The following FAM237A variants were observed in gnomAD, a reference collection of about 807,000 sequenced individuals.
FAM237A encodes protein FAM237A.
In FAM237A, 14 loss-of-function variants were observed where a neutral mutation model predicts 12.5. The observed-to-expected ratio is 1.12, with a 90% confidence interval of 0.74 to 1.75. The LOEUF is 1.75. Ranked by LOEUF, FAM237A falls within the 40% of genes most tolerant of loss-of-function variation. The pLI is 0.00. For synonymous variants in FAM237A, 85 were observed against 77.5 expected (o/e 1.10, Z -0.51); for missense variants, 240 against 211.7 (o/e 1.13, Z -0.83).
chr2:206,648,519 T>C (rs950084157), intron 2 of FAM237A, 142 bp from the exon 3 acceptor site: 7 of 789,744 alleles, frequency 8.9e-6, no homozygotes, highest in African/African-American at 7.1e-5. Context: ...CTTACATATA[T>C]TCCTCTGAAA....
At chr2:206,647,652 C>CACACAA (rs2105882874) in intron 2 of FAM237A, among the ~76,000 whole-genome samples, 1 of 151,324 alleles carries the variant, frequency 6.6e-6, no homozygotes, top group South Asian at 2.1e-4. Flanking sequence ...CACACACACA[C>CACACAA]ACACACACAC....
rs1305772436 is a variant in FAM237A at position 206,644,469 on chromosome 2, A to G, written c.233A>G (p.Tyr78Cys). 1 of 1,613,996 alleles carries G rather than the reference A, an allele frequency of 6.2e-7. No individual in the cohort carries two copies. The highest frequency in any genetic ancestry group is 1.1e-5 in the South Asian group (1 of 91,074). The change falls in exon 2 of 3, where the codon TAC becomes TGC. Residue 78 changes from tyrosine to cysteine, a missense_variant. Transcript: ENST00000441223. ...TVSGFWDFMI[Y>C]LKSSENLKHG... is the part of the protein sequence containing the mutation. ...TCAGGCTTCTGGGATTTTATGATCT[A>G]CCTGAAGTCATCTGAGAACTTGAAG... is the stretch of plus-strand genomic sequence containing the variant.
At chr2:206,646,157 G>T (rs1699314555) in intron 2 of FAM237A, among the ~76,000 whole-genome samples, 1 of 152,176 alleles carries the variant, frequency 6.6e-6, no homozygotes, top group East Asian at 1.9e-4. Flanking sequence ...AAAAAAATTA[G>T]CCGGATGTGG....
At chr2:206,643,626 C>T (rs2105881343) in intron 1 of FAM237A, among the ~76,000 whole-genome samples, 1 of 152,142 alleles carries the variant, frequency 6.6e-6, no homozygotes, top group South Asian at 2.1e-4. Context: ...TTGTAAAATG[C>T]TTATTGATTC....
chr2:206,648,034 A>T (rs1699339089), intron 2 of FAM237A, among the ~76,000 whole-genome samples: 1 of 152,204 alleles, frequency 6.6e-6, no homozygotes, highest in Non-Finnish European at 1.5e-5. Flanking sequence ...CACAAGAGAA[A>T]ACAATGGTTC....
At position 206,644,586 on chromosome 2, in the gene FAM237A, A is replaced by G; in HGVS notation, c.350A>G (p.Gln117Arg). 1 of 1,611,088 alleles carries G rather than the reference A, an allele frequency of 6.2e-7. No individual in the cohort carries two copies. Among genetic ancestry groups the G allele is most frequent in the Non-Finnish European group, 8.5e-7 (1 of 1,178,876 alleles). ...AGGAACCATGGCTTAGGAAGGAGGC[A>G]ATTGGTTGGAGAGGAAGAGAAAATC... ...LSRNHGLGRR[Q>R]LVGEEEKISA... The change falls in exon 2 of 3, where the codon CAA becomes CGA. Residue 117 changes from glutamine (Q) to arginine (R), a missense_variant. Physicochemically the swap from Gln to Arg is conservative, Grantham distance 43. Transcript: ENST00000441223.
In FAM237A at chr2:206,644,538, T is replaced by G. The variant is rs1699293455; in HGVS notation, c.302T>G (p.Ile101Ser). ...FWDLAQLFWD[I>S]YVDCVLSRNH... The stretch of plus-strand genomic sequence containing the variant: ...GATCTGGCCCAACTCTTCTGGGACA[T>G]CTATGTGGACTGTGTGCTCTCTAGG... Residue 101 changes from isoleucine (I) to serine (S), a missense_variant, in exon 2 of 3, where the codon ATC (isoleucine) becomes AGC (serine). Coordinates refer to ENST00000441223, the MANE Select transcript of FAM237A (RefSeq NM_001102659.3). 17 of 1,614,052 alleles carry G rather than the reference T, an allele frequency of 1.1e-5. No homozygotes were observed. The highest frequency in any genetic ancestry group is 1.4e-5 in the Non-Finnish European group (17 of 1,179,894).
At position 206,642,714 on chromosome 2, in the gene FAM237A, A is replaced by C. The variant is rs1311424657; in HGVS notation, c.-11+132A>C. The C allele has an allele frequency of 6.6e-6, 1 of 152,326 alleles. No individual in the cohort carries two copies. Among genetic ancestry groups the C allele is most frequent in the Non-Finnish European group, 1.5e-5 (1 of 68,114 alleles). The allele number at this position is 152,326 out of a possible 1,614,324, so 9.4% of individuals were successfully genotyped here. Reference sequence around the variant, plus strand: ...GGGGTGCACGGAGGACTCTAGGTTCAAGGAACTCAGAGAAACACCTTTCCA... The same window carrying C: ...GGGGTGCACGGAGGACTCTAGGTTCCAGGAACTCAGAGAAACACCTTTCCA... On this transcript the variant is annotated intron_variant, in intron 1 of 2. Transcript: ENST00000441223. The surrounding 1 kb of genome is among the most constrained non-coding windows in gnomAD (Gnocchi z 5.1).
Sources: allele counts gnomAD v4.1 joint callset (sites outside exome capture counted in the v4.1 genomes callset), GRCh38; gene constraint gnomAD v4.1.1; non-coding constraint Gnocchi (gnomAD v3.1); transcripts MANE v1.5; gene names NCBI Gene and HGNC (gene_info 2026-07-23, HGNC 2026-07-21).